ELP1: variants seen among roughly 807,000 people sequenced by gnomAD.
ELP1 encodes the protein elongator complex protein 1.
Under a neutral mutation model 183.2 loss-of-function variants are expected in ELP1, and 131 were observed. The observed-to-expected ratio is 0.72, with a 90% confidence interval of 0.62 to 0.83. ELP1 has a LOEUF of 0.83. Ranked by LOEUF, ELP1 falls within the 40% of genes least tolerant of loss-of-function variation. The pLI is 0.00. For synonymous variants in ELP1, 555 were observed against 569.0 expected (o/e 0.98, Z 0.35); for missense variants, 1,550 against 1,594.9 (o/e 0.97, Z 0.48).
At chr9:108,893,246 G>A (rs185339463) in intron 26 of ELP1, among the ~76,000 whole-genome samples, 163 bp from the exon 27 acceptor site, 1 of 152,176 alleles carries the variant, frequency 6.6e-6, no homozygotes, top group Non-Finnish European at 1.5e-5. Context: ...TTTTTAATGA[G>A]CACCACTGCA....
intron 10 of ELP1, among the ~76,000 whole-genome samples, chr9:108,914,413 A>AGGGGG (rs762220846): frequency 9.0e-5 from 8 of 89,132 alleles, no homozygotes; most frequent in African/African-American, 3.8e-4. Context: ...AAAAAAAAAA[A>AGGGGG]GGGGGGGGGG....
intron 29 of ELP1, 22 bp from the exon 30 acceptor site, chr9:108,882,209 G>A: frequency 5.0e-6 from 8 of 1,607,542 alleles, no homozygotes; most frequent in Non-Finnish European, 6.8e-6. Flanking sequence ...ACAGGAAGAA[G>A]ACAACAAGTG....
chr9:108,888,031 C>G (rs529090479), intron 29 of ELP1, among the ~76,000 whole-genome samples: 2 of 152,188 alleles, frequency 1.3e-5, no homozygotes, highest in Non-Finnish European at 2.9e-5. Flanking sequence ...AAATGTACAT[C>G]AACTGGTAAA....
In ELP1 at chr9:108,902,918, G is replaced by A. The variant is rs1191794886; in HGVS notation, c.1775C>T (p.Pro592Leu). The change falls in exon 16 of 37, where the codon CCA (proline) becomes CTA (leucine). Residue 592 changes from proline (P) to leucine (L), a missense_variant. Pro to Leu is a moderately conservative substitution (Grantham distance 98). Transcript: ENST00000374647. ...LWESPSLAIK[P>L]WKNSGGFPVR... ...AGGAAATCCACCAGAGTTCTTCCAT[G>A]GTTTAATAGCCAGAGAAGGTGACTC... 2.5e-6 allele frequency: 4 copies of A among 1,613,748 alleles called. No individual in the cohort carries two copies. Among genetic ancestry groups the A allele is most frequent in the Non-Finnish European group, 3.4e-6 (4 of 1,179,844 alleles).
rs838824 is a variant in ELP1, at chr9:108,908,427, T to C, written c.1361-23A>G. On this transcript the variant is annotated intron_variant, in intron 12 of 36. Coordinates refer to ENST00000374647, the MANE Select transcript of ELP1 (RefSeq NM_003640.5). ...CACCTGGAAAACAAAAATGCAAATA[T>C]TATCATCGTAAATTATAAGATTTCA... The C allele has an allele frequency of 0.67, 1,040,318 of 1,555,636 alleles. 350,268 individuals carry two copies. The highest frequency in any genetic ancestry group is 0.83 in the African/African-American group (61,432 of 73,820).
intron 36 of ELP1, among the ~76,000 whole-genome samples, chr9:108,870,122 T>A (rs1005537349): frequency 1.3e-5 from 2 of 152,090 alleles, no homozygotes; most frequent in Admixed American, 6.5e-5. Context: ...ACTACAAGTG[T>A]ACACCACCAT....
intron 3 of ELP1, among the ~76,000 whole-genome samples, chr9:108,929,376 G>C (rs1386651706): frequency 6.6e-6 from 1 of 152,066 alleles, no homozygotes. Flanking sequence ...TCTAAATTTA[G>C]CCAATCAACA....
intron 36 of ELP1, 82 bp downstream of exon 36, chr9:108,874,813 T>A: frequency 2.1e-6 from 2 of 970,584 alleles, no homozygotes; most frequent in Non-Finnish European, 1.7e-6. Context: ...AATCTCTCCT[T>A]ATACTGCTGA....
intron 20 of ELP1, 79 bp from the exon 21 acceptor site, chr9:108,898,828 T>C (rs942619078): frequency 1.9e-5 from 18 of 936,158 alleles, no homozygotes; most frequent in Non-Finnish European, 3.0e-5. Context: ...TTCATTATGA[T>C]ACAAACCAGT....
intron 8 of ELP1, among the ~76,000 whole-genome samples, chr9:108,918,572 G>A (rs984218416): frequency 2.6e-5 from 4 of 151,824 alleles, no homozygotes; most frequent in Admixed American, 6.6e-5. Flanking sequence ...AAATATATGC[G>A]GCCTTGGAAC....
intron 4 of ELP1, among the ~76,000 whole-genome samples, 184 bp downstream of exon 4, chr9:108,927,188 C>T (rs1008554373): frequency 2.0e-5 from 3 of 152,066 alleles, no homozygotes; most frequent in Admixed American, 6.6e-5. Context: ...AAAAAAAAAT[C>T]ACTCTACGTT....
chr9:108,912,755 T>G (rs1829278681), intron 10 of ELP1, among the ~76,000 whole-genome samples: 2 of 145,126 alleles, frequency 1.4e-5, no homozygotes, highest in South Asian at 2.2e-4. Context: ...TTATTTTCGT[T>G]TTTTTTTTTT....
chr9:108,875,719 A>G (rs1827683217), intron 35 of ELP1: 3 of 425,680 alleles, frequency 7.0e-6, no homozygotes, highest in Non-Finnish European at 1.4e-5. Flanking sequence ...ACACAGCAAG[A>G]CTCCCTCTCC....
intron 35 of ELP1, 111 bp from the exon 36 acceptor site, chr9:108,875,081 A>G (rs1395424283): frequency 2.6e-6 from 2 of 767,492 alleles, no homozygotes; most frequent in South Asian, 2.7e-5. Flanking sequence ...TTCTACTGGT[A>G]TGGTGTGAAA....
At chr9:108,891,099 G>T in intron 28 of ELP1, 104 bp downstream of exon 28, 1 of 1,079,598 alleles carries the variant, frequency 9.3e-7, no homozygotes, top group South Asian at 1.3e-5. Flanking sequence ...GAACAAGACT[G>T]TCTCAGAGTA....
At chr9:108,931,278 G>A (rs1829996921) in intron 1 of ELP1, 77 bp from the exon 2 acceptor site, 5 of 950,266 alleles carry the variant, frequency 5.3e-6, no homozygotes, top group Admixed American at 3.9e-5. Context: ...GGGTGAAGAA[G>A]TGGTAGTCAG....
chr9:108,900,349 G>C lies in ELP1; in HGVS notation c.2041C>G (p.His681Asp). ...KTLQAGLSSN[H>D]VSHGEVLRKV... Reference sequence around the variant, plus strand: ...CGCAGAACTTCCCCATGGGACACATGATTGCTGCTCAGGCCGGCCTGTAAT... The same window carrying C: ...CGCAGAACTTCCCCATGGGACACATCATTGCTGCTCAGGCCGGCCTGTAAT... The change falls in exon 19 of 37, where the codon CAT becomes GAT. Residue 681 changes from histidine to aspartate, a missense_variant. By Grantham distance (81) the His-to-Asp change is moderately conservative (BLOSUM62 -1). Coordinates refer to ENST00000374647, the MANE Select transcript of ELP1 (RefSeq NM_003640.5). 1 of 1,614,106 alleles carries C rather than the reference G, an allele frequency of 6.2e-7. No individual in the cohort carries two copies. Among genetic ancestry groups the C allele is most frequent in the Non-Finnish European group, 8.5e-7 (1 of 1,179,958 alleles).
intron 8 of ELP1, 74 bp downstream of exon 8, chr9:108,918,737 T>C: frequency 2.1e-6 from 2 of 973,216 alleles, no homozygotes; most frequent in Non-Finnish European, 3.4e-6. Context: ...AACATCTGTA[T>C]CATCTGTATC....
At chr9:108,929,645 T>C (rs1829932585) in intron 3 of ELP1, 124 bp downstream of exon 3, 4 of 963,920 alleles carry the variant, frequency 4.1e-6, no homozygotes, top group Non-Finnish European at 6.5e-6. Context: ...AAGAAATATA[T>C]AATGCAAAAA....
Sources: allele counts gnomAD v4.1 joint callset (sites outside exome capture counted in the v4.1 genomes callset), GRCh38; gene constraint gnomAD v4.1.1; transcripts MANE v1.5; gene names NCBI Gene and HGNC (gene_info 2026-07-23, HGNC 2026-07-21).